The following FLT3 variants were observed in gnomAD, a reference collection of about 807,000 sequenced individuals.
FLT3 encodes receptor-type tyrosine-protein kinase FLT3.
FLT3 carries 46 observed loss-of-function variants against 126.6 expected under a neutral mutation model. The ratio of observed to expected loss-of-function variants is 0.36; its 90% CI spans 0.29 to 0.46. The LOEUF (loss-of-function observed/expected upper bound fraction) is 0.46. FLT3 is among the 20% of genes least tolerant of loss of function. FLT3 has a pLI of 1.00. For missense variants in FLT3, 1,069 were observed against 1,190.3 expected, an observed-to-expected ratio of 0.90 and a Z score of 1.50; for synonymous variants, 404 against 434.4, an observed-to-expected ratio of 0.93 and a Z score of 0.87.
intron 23 of FLT3, among the ~76,000 whole-genome samples, chr13:28,008,984 T>C (rs187682103): frequency 6.6e-6 from 1 of 152,256 alleles, no homozygotes; most frequent in Admixed American, 6.5e-5. Context: ...ATTTATTTAT[T>C]TTATTCTTTA....
At chr13:28,070,214 C>T (rs1877380734) in intron 2 of FLT3, among the ~76,000 whole-genome samples, 1 of 152,160 alleles carries the variant, frequency 6.6e-6, no homozygotes, top group South Asian at 2.1e-4. Flanking sequence ...AGTCTTGGAA[C>T]CATCCCCGCT....
intron 1 of FLT3, among the ~76,000 whole-genome samples, chr13:28,072,293 C>A (rs1274549640): frequency 6.6e-6 from 1 of 151,716 alleles, no homozygotes; most frequent in Non-Finnish European, 1.5e-5. Context: ...AAACGAATAC[C>A]CCAAACAAGC....
chr13:28,078,954 C>A (rs1393780737), intron 1 of FLT3, among the ~76,000 whole-genome samples: 1 of 152,136 alleles, frequency 6.6e-6, no homozygotes, highest in East Asian at 1.9e-4. Context: ...CCTCGTGATC[C>A]CCCCGCCTTG....
intron 1 of FLT3, among the ~76,000 whole-genome samples, chr13:28,090,754 G>C (rs1219019448): frequency 1.3e-5 from 2 of 152,080 alleles, no homozygotes; most frequent in Non-Finnish European, 2.9e-5. Context: ...CTCCAGCCTG[G>C]GTGACAGAGT....
At chr13:28,031,096 T>C (rs1019768706) in intron 15 of FLT3, among the ~76,000 whole-genome samples, 2 of 151,264 alleles carry the variant, frequency 1.3e-5, no homozygotes, top group Non-Finnish European at 1.5e-5. Context: ...GGCGTGGTGG[T>C]GGGTGCCTGT....
Position 28,004,189 on chromosome 13 carries a change from GAGAC to G in FLT3, c.2860-19_2860-16del. Reference sequence around the variant, plus strand: ...TTCTGATACATCTGAATGTGGGAAAGAGACAGAACACTGATTACCATCTGATGTA... The same window carrying G: ...TTCTGATACATCTGAATGTGGGAAAGAGAACACTGATTACCATCTGATGTA... On this transcript the variant is annotated splice_polypyrimidine_tract_variant and intron_variant, in intron 23 of 23. Coordinates refer to ENST00000241453, the MANE Select transcript of FLT3 (RefSeq NM_004119.3). 6.2e-7 allele frequency: 1 copy of G among 1,613,656 alleles called. No homozygotes were observed. The highest frequency in any genetic ancestry group is 1.1e-5 in the South Asian group (1 of 91,034).
intron 1 of FLT3, among the ~76,000 whole-genome samples, chr13:28,078,048 A>C (rs1878078964): frequency 6.6e-6 from 1 of 152,222 alleles, no homozygotes; most frequent in South Asian, 2.1e-4. Context: ...TGCAGGGTAC[A>C]GCCTCCCTCC....
chr13:28,017,353 G>A (rs1265650689), intron 20 of FLT3, among the ~76,000 whole-genome samples: 4 of 151,880 alleles, frequency 2.6e-5, no homozygotes, highest in African/African-American at 9.7e-5. Flanking sequence ...CTCCCAAGTA[G>A]CTGAGACCAC....
chr13:28,040,164 G>T (rs1292530581), intron 9 of FLT3, among the ~76,000 whole-genome samples: 1 of 152,174 alleles, frequency 6.6e-6, no homozygotes, highest in African/African-American at 2.4e-5. Context: ...CAAAAAATTG[G>T]GTTTCTGTTC....
At chr13:28,083,859 G>A (rs1038716254) in intron 1 of FLT3, among the ~76,000 whole-genome samples, 12 of 151,836 alleles carry the variant, frequency 7.9e-5, no homozygotes, top group African/African-American at 1.9e-4. Flanking sequence ...GGCAATTCAC[G>A]TCTTCACTCT....
At chr13:28,046,837 C>A (rs1566080644) in intron 9 of FLT3, among the ~76,000 whole-genome samples, 2 of 152,154 alleles carry the variant, frequency 1.3e-5, no homozygotes, top group African/African-American at 4.8e-5. Context: ...ATCAAGCGAT[C>A]CACCCGCCTT....
At chr13:28,097,999 A>T (rs547176169) in intron 1 of FLT3, among the ~76,000 whole-genome samples, 13 of 152,268 alleles carry the variant, frequency 8.5e-5, no homozygotes, top group African/African-American at 2.9e-4. Context: ...AAGCTTCATC[A>T]TTATTCATAA....
chr13:28,033,795 T>C (rs1277874821), intron 15 of FLT3, 92 bp downstream of exon 15: 2 of 983,176 alleles, frequency 2.0e-6, no homozygotes, highest in Non-Finnish European at 3.2e-6. Context: ...ACAGTAACCA[T>C]TAAAAGGATG....
chr13:28,071,384 T>A (rs1877506655), intron 1 of FLT3, among the ~76,000 whole-genome samples: 1 of 152,106 alleles, frequency 6.6e-6, no homozygotes, highest in African/African-American at 2.4e-5. Flanking sequence ...ATTTTCAAAA[T>A]TATGTGCCTT....
rs773802462 is a variant in FLT3, at chr13:28,070,543, A to T, written c.113T>A (p.Ile38Asn). The T allele has an allele frequency of 1.8e-5, 29 of 1,606,334 alleles. No homozygotes were observed. In the African/African-American group the frequency reaches 2.9e-4, roughly 16 times the overall value. ...QDLPVIKCVL[I>N]NHKNNDSSVG... ...TGATGAATCATTGTTCTTATGATTG[A>T]TTAAAACACACTTGATCACAGGCAG... is the stretch of plus-strand genomic sequence containing the variant. Residue 38 changes from isoleucine to asparagine, a missense_variant, in exon 2 of 24, where the codon ATC (isoleucine) becomes AAC (asparagine). Coordinates refer to ENST00000241453, the MANE Select transcript of FLT3 (RefSeq NM_004119.3).
intron 23 of FLT3, among the ~76,000 whole-genome samples, chr13:28,008,369 G>A (rs546699124): frequency 6.6e-6 from 1 of 150,850 alleles, no homozygotes; most frequent in Non-Finnish European, 1.5e-5. Flanking sequence ...TTATGAATTT[G>A]GGTAACTCTC....
intron 18 of FLT3, 88 bp downstream of exon 18, chr13:28,024,773 G>T: frequency 1.1e-6 from 1 of 917,118 alleles, no homozygotes; most frequent in South Asian, 1.6e-5. Context: ...AAATGCTTTT[G>T]TGTTTACACA....
At position 28,070,719 on chromosome 13, in the gene FLT3, T is replaced by C. The variant is rs564783160; in HGVS notation, c.44-107A>G. On this transcript the variant is annotated intron_variant, in intron 1 of 23. Transcript: ENST00000241453. ...CAAAACAAAGTGTAATCAGAGGAAA[T>C]TGGCCACTATGAAAGTATGTAGGAA... 3.4e-5 allele frequency: 28 copies of C among 820,112 alleles called. No individual in the cohort carries two copies. The South Asian group carries it at 4.3e-4, about 13-fold the overall frequency. 50.8% of individuals were successfully genotyped at this position (820,112 alleles called of 1,614,324 possible). A position where few individuals can be genotyped will look rare whatever the true frequency, so the allele number is the denominator to read the frequency against.
At chr13:28,024,141 T>C (rs1448648061) in intron 18 of FLT3, among the ~76,000 whole-genome samples, 1 of 151,574 alleles carries the variant, frequency 6.6e-6, no homozygotes, top group Non-Finnish European at 1.5e-5. Flanking sequence ...TTCTTTCTTT[T>C]TTTTTTTTGA....
Sources: allele counts gnomAD v4.1 joint callset (sites outside exome capture counted in the v4.1 genomes callset), GRCh38; gene constraint gnomAD v4.1.1; transcripts MANE v1.5; gene names NCBI Gene and HGNC (gene_info 2026-07-23, HGNC 2026-07-21).